The following ASTN1 variants were observed in gnomAD, a reference collection of about 807,000 sequenced individuals.
ASTN1 encodes astrotactin 1, also known as astrotactin-1.
ASTN1 carries 41 observed loss-of-function variants against 140.7 expected under a neutral mutation model. The ratio of observed to expected loss-of-function variants is 0.29; its 90% CI spans 0.23 to 0.38. ASTN1 has a LOEUF of 0.38. ASTN1 is among the 10% of genes least tolerant of loss of function. The pLI, the probability that ASTN1 is intolerant of heterozygous loss-of-function variation, is 1.00. For missense variants in ASTN1, 1,479 were observed against 1,678.8 expected (o/e 0.88, Z 2.08); for synonymous variants, 640 against 652.2 (o/e 0.98, Z 0.29).
chr1:177,001,214 G>C (rs1674713829), intron 8 of ASTN1, among the ~76,000 whole-genome samples: 1 of 152,146 alleles, frequency 6.6e-6, no homozygotes, highest in Non-Finnish European at 1.5e-5. Flanking sequence ...GTGTATTAAG[G>C]TATGACAGTG....
intron 1 of ASTN1, 108 bp downstream of exon 1, chr1:177,164,286 G>T: frequency 2.5e-6 from 3 of 1,209,140 alleles, no homozygotes; most frequent in Non-Finnish European, 3.4e-6. Context: ...GGAGGTAGGA[G>T]TGGGGGAGGG....
intron 1 of ASTN1, among the ~76,000 whole-genome samples, chr1:177,144,616 G>A (rs1044575154): frequency 1.8e-4 from 26 of 148,206 alleles, no homozygotes; most frequent in African/African-American, 6.5e-4. Flanking sequence ...AGCCCCAGTG[G>A]TTTAGAGGTA....
intron 16 of ASTN1, among the ~76,000 whole-genome samples, chr1:176,915,741 G>A (rs140851510): frequency 0.012 from 1,789 of 152,248 alleles, 12 homozygotes; most frequent in Non-Finnish European, 0.02. Context: ...TAATGCAGGC[G>A]GTGTGATGCG....
intron 7 of ASTN1, among the ~76,000 whole-genome samples, chr1:177,021,866 GC>G (rs1403501627): frequency 6.6e-6 from 1 of 152,182 alleles, no homozygotes; most frequent in Non-Finnish European, 1.5e-5. Context: ...TGCATGGAGA[GC>G]CCCCACCTCT....
chr1:177,136,354 CT>C (rs761381263), intron 1 of ASTN1, among the ~76,000 whole-genome samples: 1,761 of 131,036 alleles, frequency 0.013, 19 homozygotes, highest in African/African-American at 0.036. Flanking sequence ...ATTTTTCTTC[CT>C]TTTTTTTTTT....
chr1:177,044,332 G>A lies in ASTN1; in HGVS notation c.472-11483C>T, dbSNP rs116809679. Among the ~76,000 whole-genome samples the A allele has an allele frequency of 3.7e-3, 563 of 150,844 alleles. 1 individual carries two copies. The highest frequency in any genetic ancestry group is 0.013 in the African/African-American group (542 of 41,166). On this transcript the variant is annotated intron_variant, in intron 2 of 22. Transcript: ENST00000361833. ...CTCTCTTGTACTGGCATTTGTTGTT[G>A]TTGTTTGTTTTGTTTTGTTTTTTTG...
intron 1 of ASTN1, among the ~76,000 whole-genome samples, chr1:177,072,869 A>G (rs1197226787): frequency 2.0e-5 from 3 of 152,164 alleles, no homozygotes; most frequent in Non-Finnish European, 4.4e-5. Context: ...GTCTGTGTTC[A>G]TATTCTCATA....
intron 16 of ASTN1, among the ~76,000 whole-genome samples, chr1:176,902,119 G>A (rs1280671491): frequency 2.0e-5 from 3 of 152,182 alleles, no homozygotes; most frequent in Non-Finnish European, 2.9e-5. Flanking sequence ...GGGCACCTCC[G>A]CAAAATGTCA....
intron 2 of ASTN1, among the ~76,000 whole-genome samples, chr1:177,046,548 A>C (rs1677233510): frequency 6.6e-6 from 1 of 152,150 alleles, no homozygotes; most frequent in South Asian, 2.1e-4. Flanking sequence ...TCATTACAGA[A>C]CACCATGTGG....
intron 1 of ASTN1, among the ~76,000 whole-genome samples, chr1:177,066,446 T>G (rs1004714322): frequency 6.6e-6 from 1 of 152,162 alleles, no homozygotes; most frequent in Non-Finnish European, 1.5e-5. Flanking sequence ...TAGATTAGCC[T>G]TAGTCATTGT....
At chr1:176,905,049 G>A (rs950131905) in intron 16 of ASTN1, among the ~76,000 whole-genome samples, 1 of 152,162 alleles carries the variant, frequency 6.6e-6, no homozygotes, top group South Asian at 2.1e-4. Flanking sequence ...GTGCTTATCT[G>A]TTCTCCACCT....
chr1:177,098,930 T>C (rs534987535), intron 1 of ASTN1, among the ~76,000 whole-genome samples: 4 of 152,164 alleles, frequency 2.6e-5, no homozygotes, highest in Non-Finnish European at 5.9e-5. Context: ...CATCTTCTAT[T>C]AATGTGAAAT....
chr1:177,135,561 C>T (rs951297862), intron 1 of ASTN1, among the ~76,000 whole-genome samples: 9 of 152,108 alleles, frequency 5.9e-5, no homozygotes, highest in African/African-American at 2.2e-4. Context: ...GGCCCAGCAA[C>T]AGGAAGTGGC....
rs893269563 is a variant in ASTN1 at position 176,906,554 on chromosome 1, G to T, written c.2672-11724C>A. Among the ~76,000 whole-genome samples the T allele has an allele frequency of 2.0e-5, 3 of 152,158 alleles. No homozygotes were observed. The South Asian group carries it at 6.2e-4, about 32-fold the overall frequency. On this transcript the variant is annotated intron_variant, in intron 16 of 22. Transcript: ENST00000361833. ...GGGGATTTTGCTTACACAGGAGGAA[G>T]TATTAAAATCTACTTTGCGATGGGC... is the stretch of plus-strand genomic sequence containing the variant.
chr1:176,949,574 C>T (rs550549637), intron 11 of ASTN1, among the ~76,000 whole-genome samples: 6 of 152,324 alleles, frequency 3.9e-5, no homozygotes, highest in East Asian at 1.9e-4. Flanking sequence ...CACACATTTG[C>T]ATTAAAGACA....
At chr1:177,076,983 C>T (rs149945725) in intron 1 of ASTN1, among the ~76,000 whole-genome samples, 154 of 152,242 alleles carry the variant, frequency 1.0e-3, no homozygotes, top group African/African-American at 3.0e-3. Flanking sequence ...GAGACTTTTT[C>T]GCCCAATCTC....
chr1:176,883,157 T>G (rs548285356), intron 19 of ASTN1, among the ~76,000 whole-genome samples, 163 bp from the exon 20 acceptor site: 2 of 152,092 alleles, frequency 1.3e-5, no homozygotes, highest in African/African-American at 4.8e-5. Flanking sequence ...TATTTCATAT[T>G]TAACCACTCA....
intron 11 of ASTN1, among the ~76,000 whole-genome samples, chr1:176,951,826 A>T (rs923349086): frequency 2.0e-5 from 3 of 152,256 alleles, no homozygotes; most frequent in African/African-American, 7.2e-5. Flanking sequence ...AATAAAGCCA[A>T]AAATAGTATT....
chr1:177,101,397 C>T (rs1239480287), intron 1 of ASTN1, among the ~76,000 whole-genome samples: 1 of 152,196 alleles, frequency 6.6e-6, no homozygotes, highest in Non-Finnish European at 1.5e-5. Flanking sequence ...CAGCTACTCT[C>T]AATAACATGA....
Sources: allele counts gnomAD v4.1 joint callset (sites outside exome capture counted in the v4.1 genomes callset), GRCh38; gene constraint gnomAD v4.1.1; transcripts MANE v1.5; gene names NCBI Gene and HGNC (gene_info 2026-07-23, HGNC 2026-07-21).